GSDMD: variants seen among roughly 807,000 people sequenced by gnomAD.
GSDMD encodes the protein gasdermin-D.
In GSDMD, 46 loss-of-function variants were observed where a neutral mutation model predicts 46.7. The observed-to-expected ratio is 0.99, with a 90% CI of 0.78 to 1.26. The LOEUF (loss-of-function observed/expected upper bound fraction) is 1.26, where lower values mean the gene tolerates loss of function less well. GSDMD is among the 50% of genes most tolerant of loss of function. The pLI is 0.00. For synonymous variants in GSDMD, 307 were observed against 283.1 expected, an observed-to-expected ratio of 1.08 and a Z score of -0.85; for missense variants, 649 against 638.8, an observed-to-expected ratio of 1.02 and a Z score of -0.17.
Position 143,562,088 on chromosome 8 carries a change from G to T in GSDMD, c.953G>T (p.Gly318Val). The T allele has an allele frequency of 6.3e-7, 1 of 1,596,792 alleles. No individual in the cohort carries two copies. ...CAGCTGCTGCTGGAGGGCCTGGAGGGGGTGCTGCGGGACCAGCTGGCCCTG... is the reference window on the plus strand; with the variant it reads ...CAGCTGCTGCTGGAGGGCCTGGAGGTGGTGCTGCGGGACCAGCTGGCCCTG... ...LCQLLLEGLEGVLRDQLALRA... is the reference protein window; with the variant it reads ...LCQLLLEGLEVVLRDQLALRA... The change falls in exon 8 of 11, where the codon GGG becomes GTG. Residue 318 changes from glycine to valine, a missense_variant. Gly to Val is a moderately radical substitution (Grantham distance 109). Transcript: ENST00000262580.
chr8:143,554,524 C>T (rs780764667), upstream of GSDMD, among the ~76,000 whole-genome samples: 1 of 151,240 alleles, frequency 6.6e-6, no homozygotes. Context: ...TGTGTGCTCA[C>T]GTGCACAAAC....
chr8:143,561,645 G>C (rs13255282), intron 6 of GSDMD, 97 bp from the exon 7 acceptor site: 214,155 of 1,083,934 alleles, frequency 0.2, 22,508 homozygotes, highest in African/African-American at 0.26. Flanking sequence ...GCAGTGGTGA[G>C]CGGGGCTGTG....
rs372289172 is a variant in GSDMD at position 143,562,299 on chromosome 8, C to T, written c.1087C>T (p.Leu363=). 1.4e-6 allele frequency: 2 copies of T among 1,431,842 alleles called. No homozygotes were observed. Among genetic ancestry groups the T allele is most frequent in the East Asian group, 3.3e-5 (1 of 30,624 alleles). 88.7% of individuals were successfully genotyped at this position (1,431,842 alleles called of 1,614,324 possible). A position where few individuals can be genotyped will look rare whatever the true frequency, so the allele number is the denominator to read the frequency against. The change falls in exon 9 of 11, where the codon CTG becomes TTG. Residue 363 remains leucine (L), a synonymous_variant. Transcript: ENST00000262580. ...LECLVLSSGM[L]VPELAIPVVY... ...GTGCCTGGTGTTGTCCTCCGGAATGCTGGTGCCGGAACTCGCTATCCCTGT... is the reference window on the plus strand; with the variant it reads ...GTGCCTGGTGTTGTCCTCCGGAATGTTGGTGCCGGAACTCGCTATCCCTGT...
At chr8:143,560,277 G>A (rs1019726709) in intron 3 of GSDMD, 3 of 686,796 alleles carry the variant, frequency 4.4e-6, no homozygotes, top group Non-Finnish European at 5.3e-6. Context: ...AAGCTGCAGG[G>A]GTCATCTGGG....
upstream of GSDMD, chr8:143,558,218 A>C (rs889327971): frequency 1.5e-5 from 17 of 1,153,354 alleles, no homozygotes; most frequent in Admixed American, 4.1e-4. Flanking sequence ...CGCCAAGCCA[A>C]GGTTCCTCCG....
upstream of GSDMD, among the ~76,000 whole-genome samples, chr8:143,553,923 A>G (rs1823253940): frequency 6.8e-6 from 1 of 146,158 alleles, no homozygotes; most frequent in African/African-American, 2.4e-5. Context: ...CATTCCCCCA[A>G]CAAGGCAGCG....
At chr8:143,558,813 C>T (rs1823375484) in intron 1 of GSDMD, 1 of 570,154 alleles carries the variant, frequency 1.8e-6, no homozygotes, top group African/African-American at 1.9e-5. Context: ...CCCCCTATCC[C>T]AGCGGAGGCC....
upstream of GSDMD, among the ~76,000 whole-genome samples, chr8:143,554,123 A>T (rs1005310688): frequency 3.3e-5 from 5 of 152,208 alleles, no homozygotes; most frequent in Non-Finnish European, 5.9e-5. Context: ...AAGCGGGAGG[A>T]GGGGAGGAGG....
At chr8:143,561,581 C>A in intron 6 of GSDMD, 158 bp downstream of exon 6, 1 of 888,206 alleles carries the variant, frequency 1.1e-6, no homozygotes, top group Non-Finnish European at 1.7e-6. Context: ...CAACACAGGA[C>A]AGCTGACCCT....
intron 3 of GSDMD, 187 bp downstream of exon 3, chr8:143,560,156 G>T (rs1447662765): frequency 5.6e-6 from 4 of 714,684 alleles, no homozygotes; most frequent in Non-Finnish European, 1.0e-5. Flanking sequence ...TTACAGGGGT[G>T]AGCCACTGTG....
At chr8:143,559,994 G>GGCAGA (rs760379999) in intron 3 of GSDMD, 25 bp downstream of exon 3, 6 of 1,602,404 alleles carry the variant, frequency 3.7e-6, no homozygotes, top group Non-Finnish European at 2.6e-6. Flanking sequence ...GGCAGGGCAG[G>GGCAGA]GCAGGGCCCC....
At chr8:143,561,566 A>G in intron 6 of GSDMD, 143 bp downstream of exon 6, 1 of 942,694 alleles carries the variant, frequency 1.1e-6, no homozygotes, top group Non-Finnish European at 1.6e-6. Context: ...TACACACACA[A>G]GGGGCAACAC....
upstream of GSDMD, among the ~76,000 whole-genome samples, chr8:143,556,200 A>T (rs1823293823): frequency 2.6e-5 from 4 of 151,936 alleles, no homozygotes; most frequent in South Asian, 8.3e-4. Flanking sequence ...AAAAAAGAGC[A>T]ACACTCCGTC....
chr8:143,560,009 A>T, intron 3 of GSDMD, 40 bp downstream of exon 3: 1 of 1,099,960 alleles, frequency 9.1e-7, no homozygotes, highest in Non-Finnish European at 1.3e-6. Context: ...GGCCCCACCT[A>T]CCCCAAGCAA....
intron 9 of GSDMD, 21 bp downstream of exon 9, chr8:143,562,371 G>C (rs968698891): frequency 5.8e-6 from 9 of 1,545,510 alleles, no homozygotes; most frequent in Non-Finnish European, 6.1e-6. Context: ...GCTGGGGGCA[G>C]GTGGCGGGTG....
chr8:143,560,933 A>G (rs1349457317), intron 4 of GSDMD, 69 bp from the exon 5 acceptor site: 1 of 1,491,968 alleles, frequency 6.7e-7, no homozygotes, highest in African/African-American at 1.4e-5. Flanking sequence ...TGCCCCCGGC[A>G]CCCGGCCCGC....
intron 2 of GSDMD, 61 bp downstream of exon 2, chr8:143,559,613 T>G: frequency 1.3e-6 from 2 of 1,529,460 alleles, no homozygotes; most frequent in Non-Finnish European, 1.8e-6. Flanking sequence ...GGGAGCGGGC[T>G]GGGGCCAACC....
At chr8:143,558,806 C>G in intron 1 of GSDMD, 1 of 579,686 alleles carries the variant, frequency 1.7e-6, no homozygotes, top group Non-Finnish European at 3.2e-6. Flanking sequence ...CCAGGTGCCC[C>G]CTATCCCAGC....
Position 143,562,148 on chromosome 8 carries a change from G to A in GSDMD, c.996+17G>A. The A allele has an allele frequency of 6.3e-7, 1 of 1,597,750 alleles. No individual in the cohort carries two copies. The highest frequency in any genetic ancestry group is 8.5e-7 in the Non-Finnish European group (1 of 1,179,206). ...GAGGAGGCGGTGAGCGGGGGAGGGTGCCCGGGGCACACAAGGCCTGCCCAG... is the reference window on the plus strand; with the variant it reads ...GAGGAGGCGGTGAGCGGGGGAGGGTACCCGGGGCACACAAGGCCTGCCCAG... On this transcript the variant is annotated intron_variant, in intron 8 of 10. Coordinates refer to ENST00000262580, the MANE Select transcript of GSDMD (RefSeq NM_024736.7).
Sources: gnomAD v4.1 joint callset for allele counts (sites outside exome capture counted in the v4.1 genomes callset) on GRCh38, gnomAD v4.1.1 for gene constraint, MANE v1.5 for transcripts, NCBI Gene and HGNC (gene_info 2026-07-23, HGNC 2026-07-21) for gene names.